Variants in JAKMIP1 observed in about 807,000 individuals in gnomAD.
The protein encoded by JAKMIP1 is janus kinase and microtubule-interacting protein 1.
A neutral mutation model predicts 113.0 loss-of-function variants in JAKMIP1; 33 were observed. The observed-to-expected ratio is 0.29, with a 90% confidence interval of 0.22 to 0.39. The LOEUF (loss-of-function observed/expected upper bound fraction) is 0.39, where lower values mean the gene tolerates loss of function less well. Among genes scored for constraint, JAKMIP1 ranks in the 10% least tolerant of loss-of-function variants. The pLI, the probability that JAKMIP1 is intolerant of heterozygous loss-of-function variation, is 1.00. For synonymous variants in JAKMIP1, 480 were observed against 459.9 expected, an observed-to-expected ratio of 1.04 and a Z score of -0.56; for missense variants, 813 against 1,080.5, an observed-to-expected ratio of 0.75 and a Z score of 3.47.
At chr4:6,198,898 AG>A (rs1357039349) in intron 1 of JAKMIP1, among the ~76,000 whole-genome samples, 1 of 152,200 alleles carries the variant, frequency 6.6e-6, no homozygotes, top group African/African-American at 2.4e-5. Context: ...ACTCTGACTT[AG>A]GGGGGATGGC....
In JAKMIP1 at chr4:6,097,399, G is replaced by A. The variant is rs1163785763; in HGVS notation, c.624+8074C>T. 6.6e-6 allele frequency among the ~76,000 whole-genome samples: 1 copy of A among 152,206 alleles called. No homozygotes were observed. The highest frequency in any genetic ancestry group is 6.5e-5 in the Admixed American group (1 of 15,286). On this transcript the variant is annotated intron_variant, in intron 3 of 20. Transcript: ENST00000409021. The surrounding 1 kb of genome is among the most constrained non-coding windows in gnomAD (Gnocchi z 4.3). ...AGATAATGTGCTCATGGTAACATGT[G>A]AGCTTGCTTGCATGGGGAGTCTGGG...
intron 18 of JAKMIP1, among the ~76,000 whole-genome samples, chr4:6,039,866 T>A (rs1224522759): frequency 6.6e-6 from 1 of 151,048 alleles, no homozygotes; most frequent in Non-Finnish European, 1.5e-5. Flanking sequence ...TTAAAGTCAT[T>A]TTTTTTTTAG....
intron 1 of JAKMIP1, among the ~76,000 whole-genome samples, chr4:6,170,255 CT>C (rs1724283571): frequency 7.1e-6 from 1 of 140,222 alleles, no homozygotes; most frequent in Non-Finnish European, 1.5e-5. Flanking sequence ...TCCCCCCACC[CT>C]TCTCACCACC....
At chr4:6,128,749 G>T (rs1222829571) in intron 1 of JAKMIP1, among the ~76,000 whole-genome samples, 1 of 152,128 alleles carries the variant, frequency 6.6e-6, no homozygotes, top group Non-Finnish European at 1.5e-5. Flanking sequence ...CTTGCCACCT[G>T]CAGCTGGCTG....
Position 6,140,442 on chromosome 4 carries a change from G to A in JAKMIP1, c.-147-27445C>T, listed in dbSNP as rs1719964973. Among the ~76,000 whole-genome samples, 1 of 152,024 alleles carries A rather than the reference G, an allele frequency of 6.6e-6. No homozygotes were observed. The highest frequency in any genetic ancestry group is 1.5e-5 in the Non-Finnish European group (1 of 67,996). On this transcript the variant is annotated intron_variant, in intron 1 of 20. Transcript: ENST00000409021. This position sits in a 1 kb window ranked among gnomAD's most constrained non-coding sequence, Gnocchi z 9.4. ...CCACAGACCCACCCCAGGAGTGTGTGCTCAGGTCCTGCTTCATCAACACTG... is the reference window on the plus strand; with the variant it reads ...CCACAGACCCACCCCAGGAGTGTGTACTCAGGTCCTGCTTCATCAACACTG...
rs1050947697 is a variant in JAKMIP1, at chr4:6,040,742, G to A, written c.2098-26C>T. 6.3e-6 allele frequency: 10 copies of A among 1,590,956 alleles called. No individual in the cohort carries two copies. Among genetic ancestry groups the A allele is most frequent in the East Asian group, 2.2e-5 (1 of 44,758 alleles). On this transcript the variant is annotated intron_variant, in intron 17 of 20. Transcript: ENST00000409021. The surrounding 1 kb of genome is among the most constrained non-coding windows in gnomAD (Gnocchi z 5.8). ...CTGAGAAAGAGGGAGGCGCCATCAG[G>A]GACCAGCGTCAGAACAGGAATCCAT...
rs933663410 is a variant in JAKMIP1 at position 6,067,861 on chromosome 4, G to A, written c.1303-2853C>T. 8.6e-5 allele frequency among the ~76,000 whole-genome samples: 13 copies of A among 152,038 alleles called. No homozygotes were observed. The highest frequency in any genetic ancestry group is 1.9e-4 in the Non-Finnish European group (13 of 68,000). On this transcript the variant is annotated intron_variant, in intron 8 of 20. Coordinates refer to ENST00000409021, the MANE Select transcript of JAKMIP1 (RefSeq NM_001099433.2). This position sits in a 1 kb window ranked among gnomAD's most constrained non-coding sequence, Gnocchi z 4.6. The stretch of plus-strand genomic sequence containing the variant: ...TTCTGCACACGCAGGTCACCCCCCT[G>A]AGCTCCACGTTCCACATTTTTCTGA...
chr4:6,191,823 G>C (rs1727286343), intron 1 of JAKMIP1, among the ~76,000 whole-genome samples: 1 of 151,932 alleles, frequency 6.6e-6, no homozygotes. Context: ...ATACAAAATA[G>C]CATTATTTTG....
In JAKMIP1 at chr4:6,085,462, G is replaced by A; in HGVS notation, c.792C>T (p.Leu264=). 6 of 1,613,998 alleles carry A rather than the reference G, an allele frequency of 3.7e-6. No individual in the cohort carries two copies. Among genetic ancestry groups the A allele is most frequent in the African/African-American group, 1.3e-5 (1 of 75,064 alleles). ...CCACCATGTCCCCGATCCCGGGCGG[G>A]AGCTCTCTCTTTGGACTACTGTGGT... is the stretch of plus-strand genomic sequence containing the variant. ...ERHHSSPKRE[L]PPGIGDMVEL... Residue 264 remains leucine (L), a synonymous_variant, in exon 4 of 21, where the codon CTC becomes CTT. Coordinates refer to ENST00000409021, the MANE Select transcript of JAKMIP1 (RefSeq NM_001099433.2).
At chr4:6,126,291 C>A (rs1220184553) in intron 1 of JAKMIP1, among the ~76,000 whole-genome samples, 5 of 147,762 alleles carry the variant, frequency 3.4e-5, no homozygotes, top group Non-Finnish European at 7.5e-5. Context: ...CAGAAACACA[C>A]ACACACCATA....
At chr4:6,073,217 C>T (rs1719234040) in intron 8 of JAKMIP1, among the ~76,000 whole-genome samples, 1 of 152,038 alleles carries the variant, frequency 6.6e-6, no homozygotes, top group Admixed American at 6.6e-5. Flanking sequence ...AGGCAGCAGG[C>T]TTGGCCTCAG....
rs149507131 is a variant in JAKMIP1 at position 6,197,048 on chromosome 4, C to T, written c.-148+3205G>A. Among the ~76,000 whole-genome samples the T allele has an allele frequency of 1.9e-4, 29 of 152,282 alleles. No homozygotes were observed. The East Asian group carries it at 5.2e-3, about 27-fold the overall frequency. Reference sequence around the variant, plus strand: ...GACTTGGCTCCCTCTGCGGTGTTCACGTAGACCTCACCCTGTGTGGTGCCC... The same window carrying T: ...GACTTGGCTCCCTCTGCGGTGTTCATGTAGACCTCACCCTGTGTGGTGCCC... On this transcript the variant is annotated intron_variant, in intron 1 of 20. Coordinates refer to ENST00000409021, the MANE Select transcript of JAKMIP1 (RefSeq NM_001099433.2). The surrounding 1 kb of genome is among the most constrained non-coding windows in gnomAD (Gnocchi z 6.5).
chr4:6,048,287 A>C (rs955582248), intron 16 of JAKMIP1, among the ~76,000 whole-genome samples: 5 of 152,246 alleles, frequency 3.3e-5, no homozygotes, highest in African/African-American at 1.2e-4. Flanking sequence ...TAGTCCTTCA[A>C]GACATTCTTA....
chr4:6,085,396 C>T, intron 4 of JAKMIP1, 24 bp downstream of exon 4: 2 of 1,606,428 alleles, frequency 1.2e-6, no homozygotes, highest in Middle Eastern at 1.8e-4. Flanking sequence ...CAGCCTGAGG[C>T]TGGCACAAGC....
intron 3 of JAKMIP1, 42 bp from the exon 4 acceptor site, chr4:6,085,671 T>C: frequency 6.3e-7 from 1 of 1,578,416 alleles, no homozygotes; most frequent in South Asian, 1.1e-5. Flanking sequence ...TAGGGGCTCA[T>C]GACCAAGGAA....
At chr4:6,038,871 G>C (rs778729873) in intron 18 of JAKMIP1, among the ~76,000 whole-genome samples, 23 of 152,308 alleles carry the variant, frequency 1.5e-4, no homozygotes, top group African/African-American at 5.5e-4. Context: ...CGCACCACTC[G>C]ATTCTGGAAA....
rs536291161 is a variant in JAKMIP1, at chr4:6,027,334, G to A, written c.2446-1056C>T. On this transcript the variant is annotated intron_variant, in intron 20 of 20. Coordinates refer to ENST00000409021, the MANE Select transcript of JAKMIP1 (RefSeq NM_001099433.2). ...TAACAGCCATCAACTTCTAAACGAG[G>A]TGTAGGATCATTGGAAGTCAGAGCT... Among the ~76,000 whole-genome samples, 317 of 152,292 alleles carry A rather than the reference G, an allele frequency of 2.1e-3. 1 individual carries two copies. Among genetic ancestry groups the A allele is most frequent in the African/African-American group, 7.2e-3 (301 of 41,566 alleles).
chr4:6,081,872 T>C lies in JAKMIP1; in HGVS notation c.955-117A>G. The C allele has an allele frequency of 8.8e-7, 1 of 1,132,690 alleles. No individual in the cohort carries two copies. The allele number at this position is 1,132,690 out of a possible 1,614,324, so 70.2% of individuals were successfully genotyped here. ...AGGACCCCTTCTGAGGCCAGTGTCC[T>C]GGATGACACATTTGTTTGCTAGTTG... On this transcript the variant is annotated intron_variant, in intron 5 of 20. Coordinates refer to ENST00000409021, the MANE Select transcript of JAKMIP1 (RefSeq NM_001099433.2). The surrounding 1 kb of genome is among the most constrained non-coding windows in gnomAD (Gnocchi z 4.6).
intron 1 of JAKMIP1, among the ~76,000 whole-genome samples, chr4:6,161,048 C>CT (rs1722867878): frequency 6.8e-6 from 1 of 146,446 alleles, no homozygotes; most frequent in African/African-American, 2.6e-5. Flanking sequence ...CTCACCTCCC[C>CT]AACCTCCACT....
Sources: allele counts gnomAD v4.1 joint callset (sites outside exome capture counted in the v4.1 genomes callset), GRCh38; gene constraint gnomAD v4.1.1; non-coding constraint Gnocchi (gnomAD v3.1); transcripts MANE v1.5; gene names NCBI Gene and HGNC (gene_info 2026-07-23, HGNC 2026-07-21).